The following PCDHGB4 variants were observed in gnomAD, a reference collection of about 807,000 sequenced individuals.
PCDHGB4 encodes the protein protocadherin gamma subfamily B, 4, also known as protocadherin gamma-B4.
PCDHGB4 carries 38 observed loss-of-function variants against 60.5 expected under a neutral mutation model. The observed-to-expected ratio is 0.63, with a 90% CI of 0.48 to 0.82. PCDHGB4 has a LOEUF of 0.82. Ranked by LOEUF, PCDHGB4 falls within the 40% of genes least tolerant of loss-of-function variation. The pLI, the probability that PCDHGB4 is intolerant of heterozygous loss-of-function variation, is 0.00. For synonymous variants in PCDHGB4, 456 were observed against 509.7 expected, an observed-to-expected ratio of 0.89 and a Z score of 1.42; for missense variants, 1,109 against 1,209.6, an observed-to-expected ratio of 0.92 and a Z score of 1.23.
intron 1 of PCDHGB4, among the ~76,000 whole-genome samples, chr5:141,420,762 T>A (rs1221355822): frequency 6.6e-6 from 1 of 152,222 alleles, no homozygotes; most frequent in Non-Finnish European, 1.5e-5. Context: ...AACCTACAAG[T>A]TTTCAGCTCC....
At position 141,444,152 on chromosome 5, in the gene PCDHGB4, A is replaced by ATTTTTTTTTTT. The variant is rs747671382; in HGVS notation, c.2398-50629_2398-50619dup. 8.9e-5 allele frequency among the ~76,000 whole-genome samples: 3 copies of ATTTTTTTTTTT among 33,898 alleles called. 1 individual carries two copies. Among genetic ancestry groups the ATTTTTTTTTTT allele is most frequent in the African/African-American group, 4.2e-4 (3 of 7,184 alleles). 22.2% of individuals were successfully genotyped at this position (33,898 alleles called of 152,430 possible). On this transcript the variant is annotated intron_variant, in intron 1 of 3. Transcript: ENST00000519479. Reference sequence around the variant, plus strand: ...GATATGTGTCACTTGTGTGTACTGGATTTTTTTTTTTTTTTTTTTTTTTTT... The same window carrying ATTTTTTTTTTT: ...GATATGTGTCACTTGTGTGTACTGGATTTTTTTTTTTTTTTTTTTTTTTTTTTTTTTTTTTT...
chr5:141,471,408 T>C (rs951728688), intron 1 of PCDHGB4: 1 of 152,166 alleles, frequency 6.6e-6, no homozygotes, highest in Non-Finnish European at 1.5e-5. Flanking sequence ...CTAGGCTTAG[T>C]TATGTTTTTA....
chr5:141,393,134 C>T (rs755308269), intron 1 of PCDHGB4: 2 of 1,613,390 alleles, frequency 1.2e-6, no homozygotes, highest in South Asian at 2.2e-5. Flanking sequence ...TAAATATTAA[C>T]ACCCTGGTTG....
Position 141,477,060 on chromosome 5 carries a change from C to G in PCDHGB4, c.2398-17747C>G. On this transcript the variant is annotated intron_variant, in intron 1 of 3. Coordinates refer to ENST00000519479, the MANE Select transcript of PCDHGB4 (RefSeq NM_003736.4). The surrounding 1 kb of genome is among the most constrained non-coding windows in gnomAD (Gnocchi z 4.9). ...AAGGGTCGGCTGGACTTCGAGGACA[C>G]CAAACTCCATGAGATTTACATCCAG... The G allele has an allele frequency of 1.2e-6, 2 of 1,614,256 alleles. No individual in the cohort carries two copies. The highest frequency in any genetic ancestry group is 2.2e-5 in the South Asian group (2 of 91,086).
intron 1 of PCDHGB4, chr5:141,423,389 A>G (rs568843632): frequency 2.5e-6 from 4 of 1,614,160 alleles, no homozygotes; most frequent in Admixed American, 1.7e-5. Flanking sequence ...TGGCGCTGGC[A>G]TAAGTCACGC....
In PCDHGB4 at chr5:141,485,870, C is replaced by A. The variant is rs745737454; in HGVS notation, c.2398-8937C>A. On this transcript the variant is annotated intron_variant, in intron 1 of 3. Coordinates refer to ENST00000519479, the MANE Select transcript of PCDHGB4 (RefSeq NM_003736.4). The surrounding 1 kb of genome is among the most constrained non-coding windows in gnomAD (Gnocchi z 5.7). ...CACCGCAGAGCTCCGGGTATCCGTGCTGGACGTAAACGACAACGCCCCAGC... is the reference window on the plus strand; with the variant it reads ...CACCGCAGAGCTCCGGGTATCCGTGATGGACGTAAACGACAACGCCCCAGC... 1 of 1,614,174 alleles carries A rather than the reference C, an allele frequency of 6.2e-7. No homozygotes were observed. Among genetic ancestry groups the A allele is most frequent in the Non-Finnish European group, 8.5e-7 (1 of 1,180,032 alleles).
intron 1 of PCDHGB4, chr5:141,492,007 C>T (rs1261430567): frequency 3.0e-5 from 19 of 628,956 alleles, no homozygotes; most frequent in Non-Finnish European, 4.6e-5. Flanking sequence ...GCGATTTCCG[C>T]GGGTGTCGGG....
At chr5:141,404,620 T>C in intron 1 of PCDHGB4, 2 of 1,614,162 alleles carry the variant, frequency 1.2e-6, no homozygotes, top group Non-Finnish European at 1.7e-6. Context: ...TGGACCAGAA[T>C]GACAATGCCC....
chr5:141,447,136 T>TTTTTTG (rs1304915683), intron 1 of PCDHGB4, among the ~76,000 whole-genome samples: 1 of 152,090 alleles, frequency 6.6e-6, no homozygotes, highest in Non-Finnish European at 1.5e-5. Context: ...TGTTTGTTTG[T>TTTTTTG]TTTTTGTTTT....
chr5:141,436,519 C>A (rs770168763), intron 1 of PCDHGB4, among the ~76,000 whole-genome samples: 2 of 152,140 alleles, frequency 1.3e-5, no homozygotes, highest in African/African-American at 2.4e-5. Context: ...TTAACTGTGT[C>A]ACCTTTAGCA....
intron 1 of PCDHGB4, chr5:141,393,531 C>G (rs997965420): frequency 6.2e-7 from 1 of 1,614,008 alleles, no homozygotes; most frequent in Non-Finnish European, 8.5e-7. Context: ...TGACAATGCC[C>G]CGGTTTTTCC....
rs1344329529 is a variant in PCDHGB4, at chr5:141,456,847, C to T, written c.2398-37960C>T. Among the ~76,000 whole-genome samples the T allele has an allele frequency of 2.0e-5, 3 of 152,084 alleles. No homozygotes were observed. The East Asian group carries it at 5.8e-4, about 29-fold the overall frequency. ...TCGTGGTAGTGGGCGCCTGTAATCC[C>T]AGCTAATTGGGAGGCTGAGGCAGGA... On this transcript the variant is annotated intron_variant, in intron 1 of 3. Transcript: ENST00000519479.
chr5:141,410,660 T>C (rs911543817), intron 1 of PCDHGB4: 12 of 1,572,396 alleles, frequency 7.6e-6, no homozygotes, highest in African/African-American at 2.7e-5. Context: ...TCTAATAGTC[T>C]ACTAGTTTCT....
rs115340023 is a variant in PCDHGB4 at position 141,387,818 on chromosome 5, G to T, written c.-67G>T. 2,906 of 1,551,554 alleles carry T rather than the reference G, an allele frequency of 1.9e-3. 45 individuals carry two copies. The African/African-American group carries it at 0.028, about 15-fold the overall frequency. ...AGTCCGTTCGGAGATCCAAAAATCT[G>T]CAATACAGAGGTTATTTGTAACCCG... On this transcript the variant is annotated 5_prime_UTR_variant, in exon 1 of 4. Transcript: ENST00000519479.
chr5:141,391,896 G>A (rs2092439615), intron 1 of PCDHGB4: 1 of 152,128 alleles, frequency 6.6e-6, no homozygotes, highest in Non-Finnish European at 1.5e-5. Flanking sequence ...ATGGGATGGA[G>A]CTTTGCTTTT....
In PCDHGB4 at chr5:141,414,957, G is replaced by C. The variant is rs550492051; in HGVS notation, c.2397+24676G>C. 9.2e-5 allele frequency: 148 copies of C among 1,614,018 alleles called. No homozygotes were observed. Among genetic ancestry groups the C allele is most frequent in the Non-Finnish European group, 1.2e-4 (144 of 1,180,044 alleles). ...CAGAGCCCGGCTACCTGGTGACCAA[G>C]GTGGTGGCGGTGGACAGAGACTCCG... is the stretch of plus-strand genomic sequence containing the variant. On this transcript the variant is annotated intron_variant, in intron 1 of 3. Coordinates refer to ENST00000519479, the MANE Select transcript of PCDHGB4 (RefSeq NM_003736.4).
chr5:141,451,299 A>T (rs1016384424), intron 1 of PCDHGB4, among the ~76,000 whole-genome samples: 17 of 152,228 alleles, frequency 1.1e-4, no homozygotes, highest in African/African-American at 3.4e-4. Flanking sequence ...AAAGTCTTAC[A>T]AGGCAGCAAT....
rs1222348421 is a variant in PCDHGB4, at chr5:141,511,044, C to T, written c.2643C>T (p.Asp881=). 1 of 1,614,128 alleles carries T rather than the reference C, an allele frequency of 6.2e-7. No homozygotes were observed. The highest frequency in any genetic ancestry group is 1.3e-5 in the African/African-American group (1 of 74,940). ...GPQFTLQHVP[D]YRQNVYIPGS... is the part of the protein sequence containing the mutation. ...AGTTCACCCTGCAGCACGTGCCCGA[C>T]TACCGCCAGAATGTCTACATCCCAG... The change falls in exon 4 of 4, where the codon GAC becomes GAT. Residue 881 remains aspartate, a synonymous_variant. Coordinates refer to ENST00000519479, the MANE Select transcript of PCDHGB4 (RefSeq NM_003736.4).
Position 141,485,932 on chromosome 5 carries a change from G to A in PCDHGB4, c.2398-8875G>A. ...CCAGCTACAGGATTAGTGTGTTGGA[G>A]AGCGCACCAGCGGGCATGGTGCTCA... On this transcript the variant is annotated intron_variant, in intron 1 of 3. Transcript: ENST00000519479. The surrounding 1 kb of genome is among the most constrained non-coding windows in gnomAD (Gnocchi z 5.7). The A allele has an allele frequency of 6.2e-7, 1 of 1,614,184 alleles. No homozygotes were observed. The highest frequency in any genetic ancestry group is 8.5e-7 in the Non-Finnish European group (1 of 1,180,042).
Sources: allele counts gnomAD v4.1 joint callset (sites outside exome capture counted in the v4.1 genomes callset), GRCh38; gene constraint gnomAD v4.1.1; non-coding constraint Gnocchi (gnomAD v3.1); transcripts MANE v1.5; gene names NCBI Gene and HGNC (gene_info 2026-07-23, HGNC 2026-07-21).